Variants in USP3 observed in about 807,000 individuals in gnomAD.
The protein encoded by USP3 is ubiquitin specific peptidase 3.
A neutral mutation model predicts 72.3 loss-of-function variants in USP3; 20 were observed. The ratio of observed to expected loss-of-function variants is 0.28; its 90% CI spans 0.19 to 0.40. The LOEUF (loss-of-function observed/expected upper bound fraction) is 0.40, where lower values mean the gene tolerates loss of function less well. Ranked by LOEUF, USP3 falls within the 10% of genes least tolerant of loss-of-function variation. The pLI, the probability that USP3 is intolerant of heterozygous loss-of-function variation, is 1.00. For missense variants in USP3, 479 were observed against 633.9 expected (o/e 0.76, Z 2.62); for synonymous variants, 222 against 225.3 (o/e 0.99, Z 0.13).
Position 63,519,065 on chromosome 15 carries a change from G to A in USP3, c.92-13582G>A, listed in dbSNP as rs184919268. Among the ~76,000 whole-genome samples the A allele has an allele frequency of 9.3e-4, 142 of 152,172 alleles. 1 individual carries two copies. Among genetic ancestry groups the A allele is most frequent in the African/African-American group, 3.4e-3 (141 of 41,518 alleles). On this transcript the variant is annotated intron_variant, in intron 1 of 14. Coordinates refer to ENST00000380324, the MANE Select transcript of USP3 (RefSeq NM_006537.4). ...CAAGCGTGAGCCACCGCGCCTGGCC[G>A]GGTCTTTCTTTTCAATCAGCAGAGA...
chr15:63,588,451 C>G lies in USP3; in HGVS notation c.1215+28C>G, dbSNP rs781049638. The G allele has an allele frequency of 6.7e-7, 1 of 1,493,138 alleles. No homozygotes were observed. The highest frequency in any genetic ancestry group is 1.9e-5 in the Admixed American group (1 of 53,438). 92.5% of individuals were successfully genotyped at this position (1,493,138 alleles called of 1,614,324 possible). On this transcript the variant is annotated intron_variant, in intron 12 of 14. Transcript: ENST00000380324. The surrounding 1 kb of genome is among the most constrained non-coding windows in gnomAD (Gnocchi z 4.6). ...GAGTGTTGAATTTTGAGTTATGAAG[C>G]AATTTCAATGGGAAAGTGCTTGACT...
Position 63,562,902 on chromosome 15 carries a change from G to T in USP3, c.655G>T (p.Val219Leu). 1 of 1,605,952 alleles carries T rather than the reference G, an allele frequency of 6.2e-7. No homozygotes were observed. ...RSQGDNNVSL[V>L]EEFRKTLCAL... ...TCCTTTCCTCTTTTGCAGGTCTTTG[G>T]TAGAAGAGTTTAGAAAGACACTCTG... is the stretch of plus-strand genomic sequence containing the variant. The change falls in exon 8 of 15, where the codon GTA becomes TTA. Residue 219 changes from valine to leucine, a missense_variant. Transcript: ENST00000380324.
At chr15:63,576,112 G>C (rs1405342539) in intron 11 of USP3, among the ~76,000 whole-genome samples, 3 of 151,102 alleles carry the variant, frequency 2.0e-5, no homozygotes, top group Admixed American at 6.6e-5. Context: ...TCAGCCTCCT[G>C]AGTAGCTGGG....
chr15:63,548,754 C>T (rs886117661), intron 3 of USP3, among the ~76,000 whole-genome samples: 1 of 152,188 alleles, frequency 6.6e-6, no homozygotes, highest in Non-Finnish European at 1.5e-5. Flanking sequence ...AGTGGAGTGG[C>T]ATGATCTCTG....
At chr15:63,563,068 A>G (rs2066633111) in intron 8 of USP3, 60 bp downstream of exon 8, 36 of 1,165,234 alleles carry the variant, frequency 3.1e-5, no homozygotes, top group Non-Finnish European at 4.3e-5. Flanking sequence ...TGTTCCTGAA[A>G]TAATTCCTAA....
intron 1 of USP3, among the ~76,000 whole-genome samples, chr15:63,516,563 C>T (rs1490822164): frequency 1.3e-5 from 2 of 151,928 alleles, no homozygotes; most frequent in Admixed American, 6.6e-5. Context: ...TACTTGATTG[C>T]TTGGCTGAAT....
At chr15:63,577,521 C>A (rs2152680251) in intron 11 of USP3, among the ~76,000 whole-genome samples, 1 of 152,256 alleles carries the variant, frequency 6.6e-6, no homozygotes, top group Admixed American at 6.5e-5. Flanking sequence ...CTGTGGGAGG[C>A]CAAGGCAGGC....
intron 6 of USP3, among the ~76,000 whole-genome samples, chr15:63,559,513 A>G (rs1396580893): frequency 2.0e-5 from 3 of 152,190 alleles, no homozygotes; most frequent in Admixed American, 6.5e-5. Flanking sequence ...GTTTGTTTTT[A>G]TTTGAGGAAA....
At chr15:63,547,400 T>A (rs971657404) in intron 3 of USP3, among the ~76,000 whole-genome samples, 8 of 151,632 alleles carry the variant, frequency 5.3e-5, no homozygotes, top group Admixed American at 2.0e-4. Context: ...AAAAAAAAAA[T>A]TTTTAAACCA....
chr15:63,582,604 C>T (rs2066983130), intron 11 of USP3, among the ~76,000 whole-genome samples: 1 of 152,186 alleles, frequency 6.6e-6, no homozygotes, highest in Admixed American at 6.5e-5. Context: ...AAGAAAAGGA[C>T]TAACTTTCCA....
chr15:63,580,326 G>A (rs964551913), intron 11 of USP3, among the ~76,000 whole-genome samples: 1 of 151,920 alleles, frequency 6.6e-6, no homozygotes, highest in Non-Finnish European at 1.5e-5. Flanking sequence ...CAGGGAAGTG[G>A]GATTCAGGAG....
At chr15:63,530,892 CAG>C (rs2066064157) in intron 1 of USP3, among the ~76,000 whole-genome samples, 1 of 152,184 alleles carries the variant, frequency 6.6e-6, no homozygotes, top group African/African-American at 2.4e-5. Context: ...ACCTGCCTAA[CAG>C]AGTTGTTTTA....
rs1439028097 is a variant in USP3 at position 63,580,694 on chromosome 15, ATAC to A, written c.1096+6293_1096+6295del. On this transcript the variant is annotated intron_variant, in intron 11 of 14. Transcript: ENST00000380324. ...ATGAATATATAATATATATGCATAT[ATAC>A]TTATTTTAATATTTATATAAATATA... 6.1e-4 allele frequency among the ~76,000 whole-genome samples: 38 copies of A among 62,396 alleles called. 1 individual carries two copies. Among genetic ancestry groups the A allele is most frequent in the Non-Finnish European group, 1.2e-3 (33 of 27,828 alleles). 40.9% of individuals were successfully genotyped at this position (62,396 alleles called of 152,430 possible).
intron 9 of USP3, among the ~76,000 whole-genome samples, chr15:63,571,148 C>G (rs1183655686): frequency 2.0e-5 from 3 of 152,160 alleles, no homozygotes; most frequent in Non-Finnish European, 4.4e-5. Flanking sequence ...GATCAGGACA[C>G]TTATTTTGCT....
chr15:63,521,468 C>A (rs1372930969), intron 1 of USP3, among the ~76,000 whole-genome samples: 1 of 152,224 alleles, frequency 6.6e-6, no homozygotes, highest in Non-Finnish European at 1.5e-5. Context: ...CTACTCCACA[C>A]TTCCACTGTG....
At chr15:63,505,360 C>T (rs1189436988) in intron 1 of USP3, among the ~76,000 whole-genome samples, 2 of 152,336 alleles carry the variant, frequency 1.3e-5, no homozygotes, top group East Asian at 1.9e-4. Context: ...GTTTCCTTTC[C>T]CTTCTCCGCA....
chr15:63,527,539 CTTG>C (rs771691130), intron 1 of USP3, among the ~76,000 whole-genome samples: 7 of 152,182 alleles, frequency 4.6e-5, no homozygotes, highest in Admixed American at 3.3e-4. Context: ...GAATTCCAGA[CTTG>C]TTGGTAGGCC....
intron 2 of USP3, among the ~76,000 whole-genome samples, chr15:63,536,615 T>C (rs2066160249): frequency 6.6e-6 from 1 of 151,724 alleles, no homozygotes; most frequent in Non-Finnish European, 1.5e-5. Context: ...AAAAGGAGCA[T>C]AGGCGGGTGG....
At chr15:63,562,863 A>G in intron 7 of USP3, 32 bp from the exon 8 acceptor site, 1 of 1,475,102 alleles carries the variant, frequency 6.8e-7, no homozygotes, top group Non-Finnish European at 9.3e-7. Context: ...CCTCTCACTA[A>G]TCTGAGGGCA....
Sources: gnomAD v4.1 joint callset for allele counts (sites outside exome capture counted in the v4.1 genomes callset) on GRCh38, gnomAD v4.1.1 for gene constraint, Gnocchi (gnomAD v3.1) non-coding constraint, MANE v1.5 for transcripts, NCBI Gene and HGNC (gene_info 2026-07-23, HGNC 2026-07-21) for gene names.